Variants in CACNA2D3 observed in about 807,000 individuals in gnomAD.
CACNA2D3 encodes voltage-dependent calcium channel subunit alpha-2/delta-3.
A neutral mutation model predicts 160.6 loss-of-function variants in CACNA2D3; 60 were observed. The ratio of observed to expected loss-of-function variants is 0.37; its 90% CI spans 0.30 to 0.46. The LOEUF (loss-of-function observed/expected upper bound fraction) is 0.46, where lower values mean the gene tolerates loss of function less well. CACNA2D3 is among the 20% of genes least tolerant of loss of function. The pLI is 1.00. For synonymous variants in CACNA2D3, 558 were observed against 492.9 expected (o/e 1.13, Z -1.75); for missense variants, 1,205 against 1,365.0 (o/e 0.88, Z 1.85).
intron 13 of CACNA2D3, among the ~76,000 whole-genome samples, chr3:54,791,704 G>C (rs970415081): frequency 6.6e-6 from 1 of 152,034 alleles, no homozygotes; most frequent in African/African-American, 2.4e-5. Flanking sequence ...TGAGACAGAT[G>C]GGACTTAATT....
At chr3:54,556,044 C>T (rs1201652212) in intron 5 of CACNA2D3, among the ~76,000 whole-genome samples, 1 of 152,264 alleles carries the variant, frequency 6.6e-6, no homozygotes. Context: ...AAGCCCTGCT[C>T]TTATTAAACT....
chr3:54,391,247 T>C (rs981743744), intron 4 of CACNA2D3, among the ~76,000 whole-genome samples: 5 of 152,342 alleles, frequency 3.3e-5, no homozygotes, highest in Admixed American at 3.3e-4. Context: ...TACAATTTTA[T>C]TTTCCATTTA....
rs1698933032 is a variant in CACNA2D3 at position 54,846,399 on chromosome 3, A to T, written c.1558A>T (p.Ile520Phe). ...TTCTTGCTTCCTCTTACAGTTAGGG[A>T]TTCACGGTTATGCCTTTGCAATCAC... ...LKTIPKYKLGIHGYAFAITNN... is the reference protein window; with the variant it reads ...LKTIPKYKLGFHGYAFAITNN... The change falls in exon 17 of 38, where the codon ATT becomes TTT. Residue 520 changes from isoleucine (I) to phenylalanine (F), a missense_variant. Physicochemically the swap from Ile to Phe is conservative, Grantham distance 21. This residue lies in a region of CACNA2D3 where 911 missense variants were observed against 1,002.2 expected (regional missense o/e 0.91). Transcript: ENST00000474759. The T allele has an allele frequency of 1.2e-6, 2 of 1,603,504 alleles. No individual in the cohort carries two copies. Among genetic ancestry groups the T allele is most frequent in the South Asian group, 1.1e-5 (1 of 88,802 alleles).
At chr3:54,885,230 A>G in intron 21 of CACNA2D3, 51 bp from the exon 22 acceptor site, 2 of 1,594,074 alleles carry the variant, frequency 1.3e-6, no homozygotes, top group Non-Finnish European at 8.6e-7. Flanking sequence ...AGCACACAGG[A>G]GGACTGGGGG....
chr3:54,548,670 A>G (rs1702104756), intron 5 of CACNA2D3, among the ~76,000 whole-genome samples: 1 of 152,214 alleles, frequency 6.6e-6, no homozygotes, highest in Admixed American at 6.5e-5. Flanking sequence ...AAAGGATGAC[A>G]GGGGATCCTG....
At chr3:55,073,664 T>C in intron 36 of CACNA2D3, 107 bp downstream of exon 36, 1 of 1,234,768 alleles carries the variant, frequency 8.1e-7, no homozygotes. Flanking sequence ...TTACATCCTT[T>C]CCACTGTTGG....
At chr3:54,955,550 A>G (rs1701866531) in intron 27 of CACNA2D3, among the ~76,000 whole-genome samples, 1 of 152,138 alleles carries the variant, frequency 6.6e-6, no homozygotes, top group African/African-American at 2.4e-5. Context: ...AAACAATACT[A>G]AGCTAGAGGA....
chr3:54,815,083 A>T (rs1404585268), intron 13 of CACNA2D3, among the ~76,000 whole-genome samples: 1 of 152,164 alleles, frequency 6.6e-6, no homozygotes, highest in Non-Finnish European at 1.5e-5. Flanking sequence ...TTTAAAAGTG[A>T]TTCCTCATTT....
chr3:54,140,549 C>T (rs1279891584), intron 2 of CACNA2D3, among the ~76,000 whole-genome samples: 1 of 152,214 alleles, frequency 6.6e-6, no homozygotes, highest in Non-Finnish European at 1.5e-5. Flanking sequence ...CACTTGGGAC[C>T]AACTAAGGTG....
At chr3:54,351,158 T>C (rs1046763817) in intron 3 of CACNA2D3, among the ~76,000 whole-genome samples, 1 of 151,696 alleles carries the variant, frequency 6.6e-6, no homozygotes, top group African/African-American at 2.4e-5. Flanking sequence ...ATTTTTGTAC[T>C]TTTACTAGAG....
intron 35 of CACNA2D3, among the ~76,000 whole-genome samples, chr3:55,058,524 G>C (rs1233433387): frequency 6.6e-6 from 1 of 151,990 alleles, no homozygotes; most frequent in Admixed American, 6.6e-5. Context: ...AATGATCCTG[G>C]AAAAGTTTCA....
chr3:54,364,939 A>G (rs139307067), intron 3 of CACNA2D3, among the ~76,000 whole-genome samples: 1 of 152,358 alleles, frequency 6.6e-6, no homozygotes, highest in Non-Finnish European at 1.5e-5. Flanking sequence ...AGTATGTACC[A>G]TCTCATGCAT....
chr3:54,803,350 C>G (rs1703040115), intron 13 of CACNA2D3, among the ~76,000 whole-genome samples: 1 of 152,108 alleles, frequency 6.6e-6, no homozygotes, highest in Non-Finnish European at 1.5e-5. Context: ...ATAACCAATA[C>G]AGAGAAGTGC....
chr3:54,301,735 C>G (rs538899806), intron 2 of CACNA2D3, among the ~76,000 whole-genome samples: 1 of 152,090 alleles, frequency 6.6e-6, no homozygotes, highest in African/African-American at 2.4e-5. Context: ...CACACATGGG[C>G]GCACACACAC....
At chr3:54,994,042 A>G (rs1702802798) in intron 31 of CACNA2D3, among the ~76,000 whole-genome samples, 1 of 151,906 alleles carries the variant, frequency 6.6e-6, no homozygotes, top group Admixed American at 6.6e-5. Context: ...GGATCTGGCA[A>G]ATGTCCTTGT....
At chr3:54,426,221 G>T (rs1699910362) in intron 4 of CACNA2D3, among the ~76,000 whole-genome samples, 1 of 152,144 alleles carries the variant, frequency 6.6e-6, no homozygotes, top group Admixed American at 6.5e-5. Context: ...TGAAGGCACA[G>T]GATATTTGCA....
intron 11 of CACNA2D3, among the ~76,000 whole-genome samples, chr3:54,672,006 A>C (rs1168590283): frequency 3.3e-5 from 5 of 152,154 alleles, no homozygotes; most frequent in African/African-American, 1.2e-4. Flanking sequence ...GGGATTCTCC[A>C]GGTGTACTCT....
At chr3:54,171,984 G>A (rs909597537) in intron 2 of CACNA2D3, among the ~76,000 whole-genome samples, 2 of 152,138 alleles carry the variant, frequency 1.3e-5, no homozygotes, top group African/African-American at 4.8e-5. Context: ...CCCGACTCTG[G>A]CCATCTCCTC....
chr3:54,898,140 TTTTC>T (rs200890041), intron 26 of CACNA2D3, among the ~76,000 whole-genome samples: 19,353 of 124,186 alleles, frequency 0.16, 1,323 homozygotes, highest in African/African-American at 0.23. Context: ...TCTTTTTCTT[TTTTC>T]TTTCTTTCTT....
Sources: gnomAD v4.1 joint callset for allele counts (sites outside exome capture counted in the v4.1 genomes callset) on GRCh38, gnomAD v4.1.1 for gene constraint, gnomAD v4.1.1 regional missense constraint, MANE v1.5 for transcripts, NCBI Gene and HGNC (gene_info 2026-07-23, HGNC 2026-07-21) for gene names.